SIRPD: variants seen among roughly 807,000 people sequenced by gnomAD.
SIRPD encodes signal-regulatory protein delta.
A neutral mutation model predicts 18.0 loss-of-function variants in SIRPD; 21 were observed. The observed-to-expected ratio is 1.17, with a 90% confidence interval of 0.83 to 1.68. SIRPD has a LOEUF of 1.68. Among genes scored for constraint, SIRPD ranks in the 40% most tolerant of loss-of-function variants. SIRPD has a pLI of 0.00. For synonymous variants in SIRPD, 106 were observed against 92.9 expected, an observed-to-expected ratio of 1.14 and a Z score of -0.81; for missense variants, 295 against 238.4, an observed-to-expected ratio of 1.24 and a Z score of -1.56.
At chr20:1,536,256 G>T (rs1481603123) in intron 3 of SIRPD, among the ~76,000 whole-genome samples, 1 of 152,162 alleles carries the variant, frequency 6.6e-6, no homozygotes. Context: ...TAACTAGTTT[G>T]ATTCTCACCA....
intron 2 of SIRPD, among the ~76,000 whole-genome samples, chr20:1,549,017 T>G (rs2091006610): frequency 6.6e-6 from 1 of 152,200 alleles, no homozygotes; most frequent in Non-Finnish European, 1.5e-5. Context: ...CTGTTCATTT[T>G]TTAAATGTTA....
intron 2 of SIRPD, among the ~76,000 whole-genome samples, chr20:1,544,922 T>C (rs1489852240): frequency 1.3e-5 from 2 of 152,232 alleles, no homozygotes; most frequent in African/African-American, 2.4e-5. Flanking sequence ...TTCTTTTCTT[T>C]AAGAATGTTG....
At chr20:1,552,875 G>A (rs1412892750) in intron 1 of SIRPD, among the ~76,000 whole-genome samples, 1 of 152,168 alleles carries the variant, frequency 6.6e-6, no homozygotes, top group Non-Finnish European at 1.5e-5. Flanking sequence ...AGGGAAACCT[G>A]TGGATTTTCC....
intron 1 of SIRPD, among the ~76,000 whole-genome samples, chr20:1,555,097 G>A (rs748006106): frequency 5.1e-4 from 78 of 152,210 alleles, no homozygotes; most frequent in Non-Finnish European, 8.4e-4. Flanking sequence ...GAATAAAAAT[G>A]TGATTATACA....
In SIRPD at chr20:1,535,262, A is replaced by G. The variant is rs987083501; in HGVS notation, c.578-821T>C. Reference sequence around the variant, plus strand: ...AGTTCGATGTATCTAGAAGCAGCACAGTGAAGAGGTCAAAGTAAGAGCTAG... The same window carrying G: ...AGTTCGATGTATCTAGAAGCAGCACGGTGAAGAGGTCAAAGTAAGAGCTAG... On this transcript the variant is annotated intron_variant, in intron 3 of 3. Coordinates refer to ENST00000381623, the MANE Select transcript of SIRPD (RefSeq NM_178460.3). Among the ~76,000 whole-genome samples, 5 of 152,332 alleles carry G rather than the reference A, an allele frequency of 3.3e-5. 1 individual carries two copies. Among genetic ancestry groups the G allele is most frequent in the Admixed American group, 2.6e-4 (4 of 15,298 alleles).
intron 2 of SIRPD, among the ~76,000 whole-genome samples, chr20:1,548,512 T>C (rs2091004237): frequency 6.6e-6 from 1 of 152,188 alleles, no homozygotes. Context: ...TTCAGTTTGC[T>C]AGTATTTTCT....
In SIRPD at chr20:1,556,500, G is replaced by A. The variant is rs541767614; in HGVS notation, c.73+1081C>T. 4.3e-4 allele frequency among the ~76,000 whole-genome samples: 65 copies of A among 152,302 alleles called. 1 individual carries two copies. The highest frequency in any genetic ancestry group is 6.5e-4 in the Admixed American group (10 of 15,300). On this transcript the variant is annotated intron_variant, in intron 1 of 3. Coordinates refer to ENST00000381623, the MANE Select transcript of SIRPD (RefSeq NM_178460.3). ...ATTATGAGTTGAATTGTATGCCTCCGAAATATATGTTGAAGTCTTAACCAC... is the reference window on the plus strand; with the variant it reads ...ATTATGAGTTGAATTGTATGCCTCCAAAATATATGTTGAAGTCTTAACCAC...
chr20:1,542,865 C>A (rs190681543), intron 2 of SIRPD, among the ~76,000 whole-genome samples: 1 of 152,214 alleles, frequency 6.6e-6, no homozygotes, highest in Admixed American at 6.5e-5. Flanking sequence ...TTATTGAAGG[C>A]CTTTTCTGCA....
In SIRPD at chr20:1,537,208, C is replaced by T. The variant is rs1255401356; in HGVS notation, c.524G>A (p.Ser175Asn). The T allele has an allele frequency of 3.1e-6, 5 of 1,613,980 alleles. No individual in the cohort carries two copies. Among genetic ancestry groups the T allele is most frequent in the Non-Finnish European group, 4.2e-6 (5 of 1,180,014 alleles). ...GCAGGGTTGGACGAAATAGTTTGTG[C>T]TGTTTCTCTCAGGCAGGGCCGAGAG... ...TCLSALPERN[S>N]TNYFVQPCCC... The change falls in exon 3 of 4, where the codon AGC becomes AAC. Residue 175 changes from serine to asparagine, a missense_variant. Transcript: ENST00000381623.
At chr20:1,551,564 A>T in intron 2 of SIRPD, 127 bp downstream of exon 2, 1 of 771,128 alleles carries the variant, frequency 1.3e-6, no homozygotes, top group African/African-American at 1.8e-5. Flanking sequence ...GAGAGAATTA[A>T]AAAGATCAAA....
At chr20:1,556,905 C>A (rs191435009) in intron 1 of SIRPD, among the ~76,000 whole-genome samples, 1 of 152,244 alleles carries the variant, frequency 6.6e-6, no homozygotes, top group East Asian at 1.9e-4. Flanking sequence ...TAAGAGCAGC[C>A]AAATGCAGTG....
At chr20:1,546,494 G>A (rs1186879957) in intron 2 of SIRPD, among the ~76,000 whole-genome samples, 1 of 152,188 alleles carries the variant, frequency 6.6e-6, no homozygotes, top group Non-Finnish European at 1.5e-5. Context: ...TTCATCAGTT[G>A]ATAGATGTTT....
intron 3 of SIRPD, among the ~76,000 whole-genome samples, chr20:1,535,811 T>A (rs936566157): frequency 3.3e-5 from 5 of 152,232 alleles, no homozygotes; most frequent in South Asian, 2.1e-4. Context: ...ATGTATACAA[T>A]GTGGAAAGTA....
intron 3 of SIRPD, among the ~76,000 whole-genome samples, chr20:1,536,616 G>A (rs2090946664): frequency 6.6e-6 from 1 of 152,102 alleles, no homozygotes; most frequent in South Asian, 2.1e-4. Context: ...GTCTAAAAAG[G>A]ACCATTTAGC....
intron 2 of SIRPD, among the ~76,000 whole-genome samples, chr20:1,537,817 T>C (rs2090954075): frequency 6.6e-6 from 1 of 151,944 alleles, no homozygotes; most frequent in African/African-American, 2.4e-5. Context: ...GAGCAAGGAG[T>C]TCGATCTTGG....
intron 2 of SIRPD, among the ~76,000 whole-genome samples, chr20:1,543,070 C>G (rs1351373094): frequency 6.6e-6 from 1 of 152,146 alleles, no homozygotes; most frequent in East Asian, 1.9e-4. Flanking sequence ...ATGTGTTCAT[C>G]AGGGATATTG....
rs76487631 is a variant in SIRPD, at chr20:1,550,968, A to G, written c.421+723T>C. 8.3e-3 allele frequency among the ~76,000 whole-genome samples: 1,269 copies of G among 152,362 alleles called. 11 individuals carry two copies. The highest frequency in any genetic ancestry group is 0.029 in the African/African-American group (1,210 of 41,592). ...CACCACAAGTAGCAAAACACTAAGA[A>G]AAAGGCTTTGGATGCAGGGAAACAT... On this transcript the variant is annotated intron_variant, in intron 2 of 3. Transcript: ENST00000381623.
chr20:1,539,147 G>T (rs755741587), intron 2 of SIRPD, among the ~76,000 whole-genome samples: 8 of 152,160 alleles, frequency 5.3e-5, no homozygotes, highest in Non-Finnish European at 1.2e-4. Context: ...AAGTACAGCA[G>T]TAACTACATG....
At chr20:1,536,914 C>T (rs919598527) in intron 3 of SIRPD, among the ~76,000 whole-genome samples, 10 of 152,086 alleles carry the variant, frequency 6.6e-5, no homozygotes, top group South Asian at 6.2e-4. Flanking sequence ...CATGGGGAAA[C>T]GCCTGGATGG....
Sources: gnomAD v4.1 joint callset for allele counts (sites outside exome capture counted in the v4.1 genomes callset) on GRCh38, gnomAD v4.1.1 for gene constraint, MANE v1.5 for transcripts, NCBI Gene and HGNC (gene_info 2026-07-23, HGNC 2026-07-21) for gene names.